The following TTC28 variants were observed in gnomAD, a reference collection of about 807,000 sequenced individuals.
TTC28 encodes tetratricopeptide repeat protein 28.
Under a neutral mutation model 198.0 loss-of-function variants are expected in TTC28, and 61 were observed. That is an observed-to-expected ratio of 0.31 (90% confidence interval 0.25 to 0.38). The LOEUF (loss-of-function observed/expected upper bound fraction) is 0.38, where lower values mean the gene tolerates loss of function less well. Ranked by LOEUF, TTC28 falls within the 10% of genes least tolerant of loss-of-function variation. The pLI is 1.00. For synonymous variants in TTC28, 1,171 were observed against 1,297.8 expected, an observed-to-expected ratio of 0.90 and a Z score of 2.10; for missense variants, 2,678 against 3,164.0, an observed-to-expected ratio of 0.85 and a Z score of 3.69.
intron 2 of TTC28, among the ~76,000 whole-genome samples, chr22:28,388,119 T>C (rs931403265): frequency 6.6e-6 from 1 of 152,188 alleles, no homozygotes. Flanking sequence ...CCCCATTGCT[T>C]GTTTTTCTCA....
chr22:28,206,013 C>T (rs959826619), intron 5 of TTC28, among the ~76,000 whole-genome samples: 2 of 149,956 alleles, frequency 1.3e-5, no homozygotes, highest in African/African-American at 4.9e-5. Context: ...AAAAAGGAGA[C>T]ATTATTGAAA....
At chr22:28,019,214 G>A (rs997176402) in intron 13 of TTC28, among the ~76,000 whole-genome samples, 2 of 152,174 alleles carry the variant, frequency 1.3e-5, no homozygotes, top group African/African-American at 2.4e-5. Context: ...AAAATAAAGG[G>A]TTGGGCTAAA....
chr22:27,985,073 G>C (rs1394048790), intron 22 of TTC28, among the ~76,000 whole-genome samples, 176 bp downstream of exon 22: 1 of 152,238 alleles, frequency 6.6e-6, no homozygotes, highest in Non-Finnish European at 1.5e-5. Flanking sequence ...AGTTCCATGA[G>C]AGCAGGGAGT....
chr22:28,201,377 T>G (rs1925923848), intron 5 of TTC28, among the ~76,000 whole-genome samples: 1 of 152,040 alleles, frequency 6.6e-6, no homozygotes, highest in African/African-American at 2.4e-5. Flanking sequence ...GAAGGGCAGC[T>G]GAGGTCAAAA....
chr22:28,276,672 T>C (rs556543377), intron 5 of TTC28, among the ~76,000 whole-genome samples: 1 of 152,180 alleles, frequency 6.6e-6, no homozygotes, highest in Non-Finnish European at 1.5e-5. Context: ...CTAAATACTT[T>C]ATCACAGATT....
At chr22:28,390,744 T>C (rs867717282) in intron 2 of TTC28, among the ~76,000 whole-genome samples, 29 of 152,302 alleles carry the variant, frequency 1.9e-4, no homozygotes, top group Middle Eastern at 6.8e-3. Context: ...TGTCTCTGCA[T>C]GTGAGATGGG....
Position 28,512,503 on chromosome 22 carries a change from T to C in TTC28, c.381+117049A>G, listed in dbSNP as rs973555279. 2.6e-5 allele frequency among the ~76,000 whole-genome samples: 4 copies of C among 152,140 alleles called. No individual in the cohort carries two copies. In the South Asian group the frequency reaches 8.3e-4, roughly 32 times the overall value. ...ATGTTCACTGCAGCATTATTCGCAA[T>C]AGCAAAGACAAGGAATCAACCTATA... On this transcript the variant is annotated intron_variant, in intron 2 of 22. Coordinates refer to ENST00000397906, the MANE Select transcript of TTC28 (RefSeq NM_001145418.2).
At chr22:28,214,398 T>A (rs1160525989) in intron 5 of TTC28, among the ~76,000 whole-genome samples, 1 of 152,172 alleles carries the variant, frequency 6.6e-6, no homozygotes, top group Admixed American at 6.5e-5. Context: ...AAAGGGCGAA[T>A]ATCCAGAATC....
chr22:28,384,870 G>C (rs879674800), intron 2 of TTC28, among the ~76,000 whole-genome samples: 1 of 152,114 alleles, frequency 6.6e-6, no homozygotes, highest in South Asian at 2.1e-4. Context: ...GCTGGGCGTG[G>C]TGGCTCATGC....
In TTC28 at chr22:27,979,095, T is replaced by A. The variant is rs1936935773; in HGVS notation, c.*3126A>T. ...TGGGCTCCCCGGACGCCAGTCAGTCTATCCACTACCTGACTTGCTTTTCCT... is the reference window on the plus strand; with the variant it reads ...TGGGCTCCCCGGACGCCAGTCAGTCAATCCACTACCTGACTTGCTTTTCCT... On this transcript the variant is annotated 3_prime_UTR_variant, in exon 23 of 23. Coordinates refer to ENST00000397906, the MANE Select transcript of TTC28 (RefSeq NM_001145418.2). The A allele has an allele frequency of 6.6e-6, 1 of 152,290 alleles. No homozygotes were observed. Among genetic ancestry groups the A allele is most frequent in the Non-Finnish European group, 1.5e-5 (1 of 68,068 alleles). 9.4% of individuals were successfully genotyped at this position (152,290 alleles called of 1,614,324 possible). A position where few individuals can be genotyped will look rare whatever the true frequency, so the allele number is the denominator to read the frequency against.
Position 28,129,478 on chromosome 22 carries a change from C to A in TTC28, c.1442-21075G>T, listed in dbSNP as rs182532922. Among the ~76,000 whole-genome samples, 423 of 152,280 alleles carry A rather than the reference C, an allele frequency of 2.8e-3. 6 individuals carry two copies. The highest frequency in any genetic ancestry group is 2.4e-3 in the Non-Finnish European group (166 of 68,020). ...ACACTTGCAAAGAGCAGGAGCTTGG[C>A]GGTCAAGGATTTAATCTGGCTCTGG... is the stretch of plus-strand genomic sequence containing the variant. On this transcript the variant is annotated intron_variant, in intron 6 of 22. Transcript: ENST00000397906.
chr22:28,288,055 C>T (rs1470702727), intron 5 of TTC28, among the ~76,000 whole-genome samples: 1 of 152,042 alleles, frequency 6.6e-6, no homozygotes, highest in Non-Finnish European at 1.5e-5. Context: ...ATTCATATGA[C>T]TAATTTAAAT....
At chr22:28,486,243 A>C (rs1214163065) in intron 2 of TTC28, among the ~76,000 whole-genome samples, 1 of 152,162 alleles carries the variant, frequency 6.6e-6, no homozygotes, top group Non-Finnish European at 1.5e-5. Context: ...AGAAACAAGG[A>C]AGGCTTGAAA....
At chr22:28,644,583 A>T (rs2051424785) in intron 1 of TTC28, among the ~76,000 whole-genome samples, 1 of 151,958 alleles carries the variant, frequency 6.6e-6, no homozygotes, top group African/African-American at 2.4e-5. Flanking sequence ...CCAGCACTTC[A>T]GGAGGCCAAG....
At chr22:28,375,025 A>T (rs1459325779) in intron 2 of TTC28, among the ~76,000 whole-genome samples, 2 of 151,656 alleles carry the variant, frequency 1.3e-5, no homozygotes, top group African/African-American at 4.8e-5. Context: ...GACTTCCAGG[A>T]TGTAGTGAGC....
At chr22:28,606,671 T>C (rs1480175020) in intron 2 of TTC28, among the ~76,000 whole-genome samples, 2 of 152,194 alleles carry the variant, frequency 1.3e-5, no homozygotes, top group African/African-American at 4.8e-5. Context: ...TGTGTATGTA[T>C]ATACATGCAA....
At chr22:28,371,844 T>A (rs925300402) in intron 2 of TTC28, among the ~76,000 whole-genome samples, 3 of 148,838 alleles carry the variant, frequency 2.0e-5, no homozygotes, top group African/African-American at 7.4e-5. Flanking sequence ...CCTCCCAAAG[T>A]GCTGGGATTA....
intron 1 of TTC28, among the ~76,000 whole-genome samples, chr22:28,669,349 T>C (rs191001489): frequency 6.6e-6 from 1 of 151,410 alleles, no homozygotes; most frequent in East Asian, 1.9e-4. Context: ...GGGCCACATG[T>C]CTAATAAAGG....
At chr22:28,670,956 T>C (rs1400015888) in intron 1 of TTC28, among the ~76,000 whole-genome samples, 2 of 152,148 alleles carry the variant, frequency 1.3e-5, no homozygotes, top group African/African-American at 2.4e-5. Context: ...ACTAACGATG[T>C]TGCATACCTT....
Sources: allele counts gnomAD v4.1 joint callset (sites outside exome capture counted in the v4.1 genomes callset), GRCh38; gene constraint gnomAD v4.1.1; transcripts MANE v1.5; gene names NCBI Gene and HGNC (gene_info 2026-07-23, HGNC 2026-07-21).